The following BIRC6 variants were observed in gnomAD, a reference collection of about 807,000 sequenced individuals.
BIRC6 encodes the protein dual E2 ubiquitin-conjugating enzyme/E3 ubiquitin-protein ligase BIRC6.
A neutral mutation model predicts 503.3 loss-of-function variants in BIRC6; 98 were observed. The ratio of observed to expected loss-of-function variants is 0.19; its 90% CI spans 0.17 to 0.23. The LOEUF (loss-of-function observed/expected upper bound fraction) is 0.23. BIRC6 is among the 10% of genes least tolerant of loss of function. The pLI is 1.00. For synonymous variants in BIRC6, 2,240 were observed against 2,078.7 expected, an observed-to-expected ratio of 1.08 and a Z score of -2.11; for missense variants, 5,360 against 5,806.0, an observed-to-expected ratio of 0.92 and a Z score of 2.50.
At position 32,607,115 on chromosome 2, in the gene BIRC6, A is replaced by T. The variant is rs1380553540; in HGVS notation, c.14071-340A>T. Among the ~76,000 whole-genome samples the T allele has an allele frequency of 2.6e-5, 4 of 152,048 alleles. No homozygotes were observed. In the East Asian group the frequency reaches 7.7e-4, roughly 29 times the overall value. Reference sequence around the variant, plus strand: ...TAAACTCATAAAACAACTAAAAAAAAAATAAACTAAACTAAAAAAACGAAA... The same window carrying T: ...TAAACTCATAAAACAACTAAAAAAATAATAAACTAAACTAAAAAAACGAAA... On this transcript the variant is annotated intron_variant, in intron 71 of 73. Transcript: ENST00000421745.
At chr2:32,511,778 G>A (rs1004034216) in intron 53 of BIRC6, among the ~76,000 whole-genome samples, 8 of 151,876 alleles carry the variant, frequency 5.3e-5, no homozygotes, top group African/African-American at 1.9e-4. Flanking sequence ...GATTAATTAT[G>A]TTTAAAATGA....
chr2:32,479,572 C>A lies in BIRC6; in HGVS notation c.7363C>A (p.Gln2455Lys), dbSNP rs1436958236. The A allele has an allele frequency of 1.2e-6, 2 of 1,609,624 alleles. No individual in the cohort carries two copies. The highest frequency in any genetic ancestry group is 3.4e-5 in the Admixed American group (2 of 59,558). Residue 2455 changes from glutamine to lysine, a missense_variant, in exon 37 of 74, where the codon CAG becomes AAG. Physicochemically the swap from Gln to Lys is moderately conservative, Grantham distance 53 (BLOSUM62 1). Transcript: ENST00000421745. ...SDDSLQQSSV[Q>K]LLETIDEPLT... The stretch of plus-strand genomic sequence containing the variant: ...TGACTCCCTTCAACAGTCCTCAGTT[C>A]AGTTGCTGGAAACTATAGATGAACC...
At chr2:32,611,881 T>C (rs2062899988) in intron 73 of BIRC6, among the ~76,000 whole-genome samples, 1 of 152,148 alleles carries the variant, frequency 6.6e-6, no homozygotes, top group Non-Finnish European at 1.5e-5. Flanking sequence ...TTCCTTTTTC[T>C]TTTTTTCTTT....
At chr2:32,485,169 CGTG>C (rs149061288) in intron 39 of BIRC6, among the ~76,000 whole-genome samples, 4,435 of 152,232 alleles carry the variant, frequency 0.029, 161 homozygotes, top group African/African-American at 0.088. Flanking sequence ...TTCATTTCCT[CGTG>C]GTGGACAGAG....
At chr2:32,527,766 G>C (rs1301154095) in intron 59 of BIRC6, 1 of 152,184 alleles carries the variant, frequency 6.6e-6, no homozygotes, top group Non-Finnish European at 1.5e-5. Context: ...AAGAAGTTTT[G>C]AACTTTGATA....
chr2:32,429,348 C>A, intron 11 of BIRC6, 53 bp downstream of exon 11: 1 of 1,298,860 alleles, frequency 7.7e-7, no homozygotes, highest in Non-Finnish European at 1.0e-6. Flanking sequence ...TAGTATTTAT[C>A]ATTTTTCTAG....
intron 10 of BIRC6, among the ~76,000 whole-genome samples, chr2:32,424,814 A>G (rs1036316994): frequency 2.6e-5 from 4 of 151,982 alleles, no homozygotes; most frequent in Admixed American, 2.6e-4. Flanking sequence ...CGTCTGGCCT[A>G]TGTTTAACCT....
chr2:32,524,970 TA>T lies in BIRC6; in HGVS notation c.11709del (p.Ala3904ArgfsTer17). ...KKNHEEKEKV[K>X]AENGFQDNYS... is the part of the protein sequence containing the mutation. ...AAAACCATGAAGAGAAAGAAAAAGT[TA>T]AAGCGGAAAATGGATTTCAAGACAA... On this transcript the variant is annotated frameshift_variant, in exon 58 of 74. Transcript: ENST00000421745. LOFTEE classifies it high-confidence loss of function. 6.4e-7 allele frequency: 1 copy of T among 1,567,276 alleles called. No homozygotes were observed. Among genetic ancestry groups the T allele is most frequent in the South Asian group, 1.2e-5 (1 of 82,114 alleles).
intron 3 of BIRC6, among the ~76,000 whole-genome samples, chr2:32,388,380 CAA>C (rs560533546): frequency 2.2e-4 from 21 of 94,422 alleles, no homozygotes; most frequent in African/African-American, 2.7e-4. Flanking sequence ...GACTCCGTCT[CAA>C]AAAAAAAAAA....
At chr2:32,468,189 A>C (rs1402977573) in intron 28 of BIRC6, 78 bp downstream of exon 28, 1 of 1,441,592 alleles carries the variant, frequency 6.9e-7, no homozygotes, top group African/African-American at 1.4e-5. Context: ...TCTGTCAAGA[A>C]ATGTCTTTTC....
At chr2:32,513,214 T>C in intron 54 of BIRC6, 60 bp downstream of exon 54, 1 of 1,240,636 alleles carries the variant, frequency 8.1e-7, no homozygotes. Flanking sequence ...AGTGTTCACT[T>C]GATAAAACAA....
intron 23 of BIRC6, among the ~76,000 whole-genome samples, chr2:32,457,047 G>A (rs1179389503): frequency 6.6e-6 from 1 of 152,122 alleles, no homozygotes; most frequent in Non-Finnish European, 1.5e-5. Flanking sequence ...ACACACCACT[G>A]CACCTGGCAT....
chr2:32,395,830 G>A (rs2039814709), intron 6 of BIRC6, among the ~76,000 whole-genome samples: 3 of 152,130 alleles, frequency 2.0e-5, no homozygotes, highest in Admixed American at 6.5e-5. Flanking sequence ...GTAGAACCAC[G>A]CTCTAACGAA....
chr2:32,429,361 G>T (rs899013870), intron 11 of BIRC6, 66 bp downstream of exon 11: 61 of 1,198,376 alleles, frequency 5.1e-5, no homozygotes, highest in Non-Finnish European at 6.8e-5. Flanking sequence ...TTTTCTAGTT[G>T]TTGGAAGATG....
chr2:32,401,419 T>C, intron 7 of BIRC6, 34 bp downstream of exon 7: 1 of 1,612,032 alleles, frequency 6.2e-7, no homozygotes, highest in Non-Finnish European at 8.5e-7. Context: ...AAATTAGTAA[T>C]TGAAAAAAGA....
rs150522052 is a variant in BIRC6 at position 32,483,930 on chromosome 2, C to A, written c.7696+1348C>A. Among the ~76,000 whole-genome samples, 820 of 152,262 alleles carry A rather than the reference C, an allele frequency of 5.4e-3. 11 individuals carry two copies. Among genetic ancestry groups the A allele is most frequent in the African/African-American group, 0.019 (772 of 41,540 alleles). ...TGGGCTTCTCCCTTGTAAAGTTATT[C>A]TTTTCCCCTCTGTAAAAATGTTTTG... On this transcript the variant is annotated intron_variant, in intron 39 of 73. Coordinates refer to ENST00000421745, the MANE Select transcript of BIRC6 (RefSeq NM_016252.4).
rs76129958 is a variant in BIRC6, at chr2:32,506,360, T to C, written c.9700+1155T>C. Among the ~76,000 whole-genome samples, 484 of 152,332 alleles carry C rather than the reference T, an allele frequency of 3.2e-3. 1 individual carries two copies. Among genetic ancestry groups the C allele is most frequent in the Non-Finnish European group, 5.2e-3 (351 of 68,026 alleles). On this transcript the variant is annotated intron_variant, in intron 50 of 73. Coordinates refer to ENST00000421745, the MANE Select transcript of BIRC6 (RefSeq NM_016252.4). ...TTTCTATGTGTTTGCAAGATTAGACTGATATAGCTTAATTACTTGTGGCAT... is the reference window on the plus strand; with the variant it reads ...TTTCTATGTGTTTGCAAGATTAGACCGATATAGCTTAATTACTTGTGGCAT...
At chr2:32,478,030 G>C (rs932502731) in intron 35 of BIRC6, among the ~76,000 whole-genome samples, 1 of 152,078 alleles carries the variant, frequency 6.6e-6, no homozygotes, top group Non-Finnish European at 1.5e-5. Context: ...ACACAAGTAA[G>C]TGTCAAATTA....
chr2:32,454,189 A>G (rs1334288089), intron 23 of BIRC6, among the ~76,000 whole-genome samples: 1 of 152,118 alleles, frequency 6.6e-6, no homozygotes, highest in Non-Finnish European at 1.5e-5. Flanking sequence ...TTTTATGTGT[A>G]TGCACTTTCA....
Sources: gnomAD v4.1 joint callset for allele counts (sites outside exome capture counted in the v4.1 genomes callset) on GRCh38, gnomAD v4.1.1 for gene constraint, MANE v1.5 for transcripts, NCBI Gene and HGNC (gene_info 2026-07-23, HGNC 2026-07-21) for gene names.